F13A1: variants seen among roughly 807,000 people sequenced by gnomAD.
F13A1 encodes the protein FSF, A subunit.
In F13A1, 47 loss-of-function variants were observed where a neutral mutation model predicts 80.1. That is an observed-to-expected ratio of 0.59 (90% CI 0.46 to 0.75). F13A1 has a LOEUF of 0.75. F13A1 is among the 30% of genes least tolerant of loss of function. The pLI is 0.00. For missense variants in F13A1, 817 were observed against 930.4 expected (o/e 0.88, Z 1.59); for synonymous variants, 349 against 344.9 (o/e 1.01, Z -0.13).
At chr6:6,154,779 A>T (rs1399183965) in intron 13 of F13A1, among the ~76,000 whole-genome samples, 7 of 152,358 alleles carry the variant, frequency 4.6e-5, no homozygotes, top group Admixed American at 3.9e-4. Flanking sequence ...ATTAAGAAAC[A>T]TTTCAAAAAC....
intron 3 of F13A1, among the ~76,000 whole-genome samples, chr6:6,303,189 C>T (rs541982063): frequency 2.4e-4 from 37 of 152,212 alleles, no homozygotes; most frequent in African/African-American, 4.1e-4. Context: ...TTCTGATAGC[C>T]GCTTCAGAAA....
chr6:6,176,019 C>T (rs1194370621), intron 11 of F13A1, among the ~76,000 whole-genome samples: 2 of 152,226 alleles, frequency 1.3e-5, no homozygotes, highest in South Asian at 2.1e-4. Context: ...GGAAACAGGG[C>T]TCATGCAGAT....
At chr6:6,160,725 T>A (rs757872460) in intron 13 of F13A1, among the ~76,000 whole-genome samples, 15 of 152,128 alleles carry the variant, frequency 9.9e-5, no homozygotes, top group Non-Finnish European at 1.6e-4. Context: ...AATGGATGAA[T>A]GCAAGAGTGA....
intron 13 of F13A1, among the ~76,000 whole-genome samples, chr6:6,152,266 C>T (rs563845796): frequency 2.6e-5 from 4 of 152,298 alleles, no homozygotes; most frequent in Admixed American, 6.5e-5. Context: ...CACGTTTCCA[C>T]GGTGAGGGCG....
At chr6:6,213,382 C>G (rs1226216675) in intron 8 of F13A1, among the ~76,000 whole-genome samples, 7 of 152,112 alleles carry the variant, frequency 4.6e-5, no homozygotes, top group Non-Finnish European at 1.0e-4. Flanking sequence ...ATTCAACATT[C>G]TTAAAGAAAG....
At chr6:6,269,014 A>T (rs1453475522) in intron 3 of F13A1, among the ~76,000 whole-genome samples, 5 of 151,622 alleles carry the variant, frequency 3.3e-5, no homozygotes, top group African/African-American at 1.2e-4. Context: ...TTTTAAGTAT[A>T]ACTTCTACTA....
At chr6:6,283,627 A>G (rs1194149362) in intron 3 of F13A1, among the ~76,000 whole-genome samples, 2 of 152,084 alleles carry the variant, frequency 1.3e-5, no homozygotes, top group African/African-American at 4.8e-5. Context: ...ACAACAATAC[A>G]TGTACCCAAT....
chr6:6,253,189 CA>C (rs1757658418), intron 4 of F13A1, among the ~76,000 whole-genome samples: 1 of 143,392 alleles, frequency 7.0e-6, no homozygotes, highest in Admixed American at 6.9e-5. Context: ...AGAAAATAGC[CA>C]AAAACTAATA....
chr6:6,206,488 A>G (rs1761491809), intron 8 of F13A1: 1 of 471,476 alleles, frequency 2.1e-6, no homozygotes, highest in African/African-American at 2.0e-5. Flanking sequence ...TATTACAATG[A>G]CCTCTGACAT....
chr6:6,146,577 C>T (rs72815062), intron 14 of F13A1, among the ~76,000 whole-genome samples: 20,830 of 152,060 alleles, frequency 0.14, 1,564 homozygotes, highest in Middle Eastern at 0.17. Flanking sequence ...TCACATATAG[C>T]CTCCCCTATA....
chr6:6,313,907 C>T (rs1305355525), intron 2 of F13A1, among the ~76,000 whole-genome samples: 2 of 152,032 alleles, frequency 1.3e-5, no homozygotes, highest in African/African-American at 4.8e-5. Context: ...GCTAAAACCC[C>T]TCTGGTCTAT....
intron 8 of F13A1, among the ~76,000 whole-genome samples, chr6:6,210,064 A>G (rs996945355): frequency 2.0e-5 from 3 of 148,894 alleles, no homozygotes; most frequent in East Asian, 3.9e-4. Flanking sequence ...TGTCTCTACA[A>G]AAAAAAAAAA....
chr6:6,218,595 A>G (rs1757139748), intron 8 of F13A1, among the ~76,000 whole-genome samples: 1 of 152,130 alleles, frequency 6.6e-6, no homozygotes, highest in Non-Finnish European at 1.5e-5. Context: ...GAGGTTCCTG[A>G]GTCCCCAGCC....
At chr6:6,261,135 A>T (rs1054081732) in intron 4 of F13A1, among the ~76,000 whole-genome samples, 18 of 151,442 alleles carry the variant, frequency 1.2e-4, no homozygotes, top group African/African-American at 4.4e-4. Context: ...TGCCCAGCTA[A>T]TTTTTGTATG....
intron 4 of F13A1, among the ~76,000 whole-genome samples, chr6:6,264,889 G>A (rs1245983911): frequency 6.6e-6 from 1 of 152,122 alleles, no homozygotes; most frequent in African/African-American, 2.4e-5. Flanking sequence ...GGAGTGTTGG[G>A]TACAATATGA....
At chr6:6,215,415 G>A (rs9392761) in intron 8 of F13A1, among the ~76,000 whole-genome samples, 30 of 96,556 alleles carry the variant, frequency 3.1e-4, no homozygotes, top group African/African-American at 1.2e-3. Context: ...TATAAACAGA[G>A]CCAAAGACAA....
At chr6:6,217,246 C>T (rs1259469408) in intron 8 of F13A1, among the ~76,000 whole-genome samples, 7 of 151,988 alleles carry the variant, frequency 4.6e-5, no homozygotes, top group Non-Finnish European at 1.0e-4. Flanking sequence ...TATTGCGGCA[C>T]TATTCACAAT....
intron 3 of F13A1, among the ~76,000 whole-genome samples, chr6:6,278,733 G>A (rs1191188265): frequency 6.6e-6 from 1 of 152,146 alleles, no homozygotes; most frequent in Non-Finnish European, 1.5e-5. Flanking sequence ...GGGGAATTGT[G>A]GGAGACGAGA....
chr6:6,315,469 G>A (rs1004452367), intron 2 of F13A1, among the ~76,000 whole-genome samples: 7 of 152,052 alleles, frequency 4.6e-5, no homozygotes, highest in Middle Eastern at 3.4e-3. Context: ...ATCATGGTGT[G>A]TATGAGAGGA....
Sources: gnomAD v4.1 joint callset for allele counts (sites outside exome capture counted in the v4.1 genomes callset) on GRCh38, gnomAD v4.1.1 for gene constraint, MANE v1.5 for transcripts, NCBI Gene and HGNC (gene_info 2026-07-23, HGNC 2026-07-21) for gene names.